VSIG8: variants seen among roughly 807,000 people sequenced by gnomAD.
The protein encoded by VSIG8 is V-set and immunoglobulin domain containing 8.
VSIG8 carries 32 observed loss-of-function variants against 42.6 expected under a neutral mutation model. The ratio of observed to expected loss-of-function variants is 0.75; its 90% CI spans 0.57 to 1.01. The LOEUF (loss-of-function observed/expected upper bound fraction) is 1.01, where lower values mean the gene tolerates loss of function less well. VSIG8 is among the 50% of genes least tolerant of loss of function. The pLI is 0.00. For missense variants in VSIG8, 529 were observed against 558.0 expected, an observed-to-expected ratio of 0.95 and a Z score of 0.52; for synonymous variants, 290 against 243.8, an observed-to-expected ratio of 1.19 and a Z score of -1.77.
In VSIG8 at chr1:159,857,929, G is replaced by A. The variant is rs769422803; in HGVS notation, c.468C>T (p.His156=). 3.1e-6 allele frequency: 5 copies of A among 1,614,190 alleles called. No individual in the cohort carries two copies. The South Asian group carries it at 5.5e-5, about 18-fold the overall frequency. The change falls in exon 4 of 7, where the codon CAC becomes CAT. Residue 156 remains histidine, a synonymous_variant. Transcript: ENST00000368100. ...PAVPMCWTEG[H]MTYGNDVVLK... is the part of the protein sequence containing the mutation. ...GCACCACATCGTTGCCATATGTCATGTGGCCCTCTGTCCAGCACATGGGCA... is the reference window on the plus strand; with the variant it reads ...GCACCACATCGTTGCCATATGTCATATGGCCCTCTGTCCAGCACATGGGCA...
chr1:159,858,061 G>C, intron 3 of VSIG8, 29 bp downstream of exon 3: 3 of 1,613,956 alleles, frequency 1.9e-6, no homozygotes, highest in Non-Finnish European at 2.5e-6. Flanking sequence ...AAGCCAGGGG[G>C]AGAGGAGCTT....
intron 1 of VSIG8, 169 bp downstream of exon 1, chr1:159,862,304 T>A: frequency 1.6e-6 from 1 of 622,330 alleles, no homozygotes; most frequent in Non-Finnish European, 2.8e-6. Context: ...CAGGGTCTCC[T>A]GGGGAAAGGT....
rs1467899058 is a variant in VSIG8, at chr1:159,862,453, C to T, written c.49+20G>A. On this transcript the variant is annotated intron_variant, in intron 1 of 6. Coordinates refer to ENST00000368100, the MANE Select transcript of VSIG8 (RefSeq NM_001013661.1). ...ACCTAGCCTCATGCTGGCTACCCTGCCCCCTGCCCAGCCCCGTACCTGGGC... is the reference window on the plus strand; with the variant it reads ...ACCTAGCCTCATGCTGGCTACCCTGTCCCCTGCCCAGCCCCGTACCTGGGC... The T allele has an allele frequency of 2.6e-5, 42 of 1,605,268 alleles. No homozygotes were observed. Among genetic ancestry groups the T allele is most frequent in the Non-Finnish European group, 3.6e-5 (42 of 1,175,140 alleles).
At chr1:159,857,221 C>T (rs2494501) in intron 4 of VSIG8, among the ~76,000 whole-genome samples, 51,233 of 152,038 alleles carry the variant, frequency 0.34, 9,700 homozygotes, top group African/African-American at 0.52. Context: ...AGGCTCCCTC[C>T]AAATTCGCCA....
intron 6 of VSIG8, chr1:159,855,419 G>A: frequency 7.1e-7 from 1 of 1,416,326 alleles, no homozygotes. Context: ...CTGCCCCTCA[G>A]TCTTCTCCAT....
Position 159,854,561 on chromosome 1 carries a change from C to T in VSIG8, c.*192G>A. On this transcript the variant is annotated 3_prime_UTR_variant, in exon 7 of 7. Transcript: ENST00000368100. The stretch of plus-strand genomic sequence containing the variant: ...TCAGGATCGCCTTCCTCCGCCCTCG[C>T]CCGCCCCTTCCCACTTTTGGGGAGG... 8.7e-7 allele frequency: 1 copy of T among 1,145,484 alleles called. No homozygotes were observed. 71.0% of individuals were successfully genotyped at this position (1,145,484 alleles called of 1,614,324 possible). A position where few individuals can be genotyped will look rare whatever the true frequency, so the allele number is the denominator to read the frequency against.
At chr1:159,862,201 G>C in intron 1 of VSIG8, 1 of 392,554 alleles carries the variant, frequency 2.5e-6, no homozygotes, top group Non-Finnish European at 4.5e-6. Context: ...GAGCTTGCAG[G>C]GCACCTGCAC....
In VSIG8 at chr1:159,857,740, C is replaced by G; in HGVS notation, c.652+5G>C. 1 of 1,613,800 alleles carries G rather than the reference C, an allele frequency of 6.2e-7. No homozygotes were observed. The highest frequency in any genetic ancestry group is 8.5e-7 in the Non-Finnish European group (1 of 1,179,772). On this transcript the variant is annotated splice_donor_5th_base_variant and intron_variant, in intron 4 of 6. Coordinates refer to ENST00000368100, the MANE Select transcript of VSIG8 (RefSeq NM_001013661.1). ...CCCGACTGCCCTCATCCAGGGCCCT[C>G]TCACCTTGGTTTATGGAGCTGTGGA...
rs2101825046 is a variant in VSIG8 at position 159,854,362 on chromosome 1, C to G, written c.*391G>C. 4.8e-6 allele frequency: 1 copy of G among 206,678 alleles called. No individual in the cohort carries two copies. Among genetic ancestry groups the G allele is most frequent in the East Asian group, 1.1e-4 (1 of 9,340 alleles). 12.8% of individuals were successfully genotyped at this position (206,678 alleles called of 1,614,324 possible). A position where few individuals can be genotyped will look rare whatever the true frequency, so the allele number is the denominator to read the frequency against. ...TTGTGCTAACACTGCTGCCTCAGAG[C>G]TCAGACCTCACACACAGAACAATTC... On this transcript the variant is annotated 3_prime_UTR_variant, in exon 7 of 7. Transcript: ENST00000368100.
chr1:159,855,348 CTCT>C lies in VSIG8; in HGVS notation c.972-325_972-323del, dbSNP rs771473459. On this transcript the variant is annotated intron_variant, in intron 6 of 6. Transcript: ENST00000368100. ...GCAGGCCCAGAAGAAGGTGCTTTTC[CTCT>C]TCTTCTTTCCTTAGCTAATCCTGAC... 3.5e-4 allele frequency: 519 copies of C among 1,476,388 alleles called. 1 individual carries two copies. The highest frequency in any genetic ancestry group is 1.4e-3 in the Middle Eastern group (8 of 5,698). 91.5% of individuals were successfully genotyped at this position (1,476,388 alleles called of 1,614,324 possible). A position where few individuals can be genotyped will look rare whatever the true frequency, so the allele number is the denominator to read the frequency against.
In VSIG8 at chr1:159,862,464, G is replaced by A; in HGVS notation, c.49+9C>T. On this transcript the variant is annotated intron_variant, in intron 1 of 6. Coordinates refer to ENST00000368100, the MANE Select transcript of VSIG8 (RefSeq NM_001013661.1). ...TGCTGGCTACCCTGCCCCCTGCCCA[G>A]CCCCGTACCTGGGCTCAGGCACACG... 6.2e-7 allele frequency: 1 copy of A among 1,611,466 alleles called. No homozygotes were observed. The highest frequency in any genetic ancestry group is 8.5e-7 in the Non-Finnish European group (1 of 1,178,428).
intron 1 of VSIG8, chr1:159,861,836 A>C (rs1405359069): frequency 6.6e-6 from 1 of 152,260 alleles, no homozygotes; most frequent in Non-Finnish European, 1.5e-5. Flanking sequence ...AAGTCTCTGG[A>C]GTTGCCATCC....
chr1:159,858,342 G>C, intron 2 of VSIG8, 51 bp from the exon 3 acceptor site: 1 of 1,588,436 alleles, frequency 6.3e-7, no homozygotes. Flanking sequence ...GCCAAGAAGG[G>C]CCATGTGGAT....
intron 6 of VSIG8, 181 bp from the exon 7 acceptor site, chr1:159,855,207 C>G (rs914401449): frequency 5.9e-5 from 92 of 1,551,500 alleles, no homozygotes; most frequent in Non-Finnish European, 7.5e-5. Context: ...GGTCGGCGAC[C>G]CTGCAGCGGT....
chr1:159,859,913 C>T lies in VSIG8; in HGVS notation c.50-1001G>A, dbSNP rs1648968563. ...CTCAGGACTGAGCTCTTGTCCCTCCCTACCCTGAAGCCCCAGGCAGGCCTA... is the reference window on the plus strand; with the variant it reads ...CTCAGGACTGAGCTCTTGTCCCTCCTTACCCTGAAGCCCCAGGCAGGCCTA... On this transcript the variant is annotated intron_variant, in intron 1 of 6. Transcript: ENST00000368100. Among the ~76,000 whole-genome samples, 3 of 152,000 alleles carry T rather than the reference C, an allele frequency of 2.0e-5. No homozygotes were observed. The South Asian group carries it at 6.2e-4, about 31-fold the overall frequency.
At chr1:159,855,126 C>A (rs1319540412) in intron 6 of VSIG8, 100 bp from the exon 7 acceptor site, 1 of 1,551,368 alleles carries the variant, frequency 6.4e-7, no homozygotes, top group Admixed American at 2.0e-5. Flanking sequence ...CTCTTGTCTC[C>A]CGCGCCTCCC....
At chr1:159,859,976 G>A (rs538920437) in intron 1 of VSIG8, among the ~76,000 whole-genome samples, 58 of 152,126 alleles carry the variant, frequency 3.8e-4, no homozygotes, top group African/African-American at 1.3e-3. Context: ...ATAAGACCGG[G>A]GGGTGTAGCC....
Position 159,854,906 on chromosome 1 carries a change from G to A in VSIG8, c.1092C>T (p.Pro364=), listed in dbSNP as rs769081898. 62 of 1,486,556 alleles carry A rather than the reference G, an allele frequency of 4.2e-5. 1 individual carries two copies. The highest frequency in any genetic ancestry group is 5.0e-5 in the Non-Finnish European group (56 of 1,126,964). 92.1% of individuals were successfully genotyped at this position (1,486,556 alleles called of 1,614,324 possible). ...GGGCCACGTCCTCGGGGCCGCCGCA[G>A]GGGGGAGGCGCGTACTTGCGGCGCA... ...RSLRRKYAPP[P]CGGPEDVALA... The change falls in exon 7 of 7, where the codon CCC becomes CCT. Residue 364 remains proline, a synonymous_variant. Transcript: ENST00000368100.
Position 159,854,810 on chromosome 1 carries a change from C to T in VSIG8, c.1188G>A (p.Ala396=). ...GCCCCTCGGCGCAGTCAGCCGGCTC[C>T]GCGCTCTTGACCTTGACGTAGACCG... The part of the protein sequence containing the change: ...PSPVYVKVKS[A]EPADCAEGPV... The change falls in exon 7 of 7, where the codon GCG becomes GCA. Residue 396 remains alanine, a synonymous_variant. Coordinates refer to ENST00000368100, the MANE Select transcript of VSIG8 (RefSeq NM_001013661.1). The T allele has an allele frequency of 1.3e-6, 2 of 1,504,538 alleles. No homozygotes were observed. The highest frequency in any genetic ancestry group is 1.2e-5 in the South Asian group (1 of 81,422). The allele number at this position is 1,504,538 out of a possible 1,614,324, so 93.2% of individuals were successfully genotyped here. A position where few individuals can be genotyped will look rare whatever the true frequency, so the allele number is the denominator to read the frequency against.
Sources: gnomAD v4.1 joint callset for allele counts (sites outside exome capture counted in the v4.1 genomes callset) on GRCh38, gnomAD v4.1.1 for gene constraint, MANE v1.5 for transcripts, NCBI Gene and HGNC (gene_info 2026-07-23, HGNC 2026-07-21) for gene names.